The following MICU1 variants were observed in gnomAD, a reference collection of about 807,000 sequenced individuals.
MICU1 encodes calcium uptake protein 1, mitochondrial.
MICU1 carries 45 observed loss-of-function variants against 56.8 expected under a neutral mutation model. That is an observed-to-expected ratio of 0.79 (90% CI 0.62 to 1.02). The LOEUF (loss-of-function observed/expected upper bound fraction) is 1.02, where lower values mean the gene tolerates loss of function less well. Among genes scored for constraint, MICU1 ranks in the 50% least tolerant of loss-of-function variants. The pLI is 0.00. For missense variants in MICU1, 504 were observed against 587.1 expected (o/e 0.86, Z 1.46); for synonymous variants, 186 against 195.1 (o/e 0.95, Z 0.39).
At chr10:72,490,601 C>G (rs1453707553) in intron 6 of MICU1, among the ~76,000 whole-genome samples, 1 of 152,112 alleles carries the variant, frequency 6.6e-6, no homozygotes, top group South Asian at 2.1e-4. Flanking sequence ...CTTGTAATTA[C>G]AGAGAGAGTT....
chr10:72,459,536 G>A (rs1865584567), intron 8 of MICU1, among the ~76,000 whole-genome samples: 1 of 151,970 alleles, frequency 6.6e-6, no homozygotes, highest in Admixed American at 6.6e-5. Context: ...GGGTGATCTG[G>A]CTGAGACCCA....
At chr10:72,620,012 G>A (rs1250921020) in intron 1 of MICU1, among the ~76,000 whole-genome samples, 2 of 151,992 alleles carry the variant, frequency 1.3e-5, no homozygotes, top group Non-Finnish European at 2.9e-5. Flanking sequence ...TATTAGGATG[G>A]TAGGCAAAGT....
intron 1 of MICU1, among the ~76,000 whole-genome samples, 162 bp from the exon 2 acceptor site, chr10:72,566,956 T>G (rs1013913620): frequency 1.3e-5 from 2 of 152,186 alleles, no homozygotes; most frequent in African/African-American, 4.8e-5. Context: ...CTCAGAATAA[T>G]CTTATGAGCA....
At chr10:72,385,883 G>C (rs906074301) in intron 10 of MICU1, among the ~76,000 whole-genome samples, 1 of 152,214 alleles carries the variant, frequency 6.6e-6, no homozygotes, top group African/African-American at 2.4e-5. Context: ...GAAGAAGTGA[G>C]TTGCCATGCT....
intron 10 of MICU1, among the ~76,000 whole-genome samples, chr10:72,404,310 T>C (rs1228851013): frequency 2.0e-5 from 3 of 152,334 alleles, no homozygotes; most frequent in African/African-American, 7.2e-5. Context: ...GGGAAATTTA[T>C]AGCTTCACAA....
intron 1 of MICU1, among the ~76,000 whole-genome samples, chr10:72,610,708 C>T (rs910098386): frequency 6.6e-6 from 1 of 152,150 alleles, no homozygotes; most frequent in Non-Finnish European, 1.5e-5. Context: ...ACATCACTGT[C>T]CTCCCACCTT....
chr10:72,487,851 GT>G (rs775985148), intron 6 of MICU1, among the ~76,000 whole-genome samples: 4 of 151,904 alleles, frequency 2.6e-5, no homozygotes, highest in Non-Finnish European at 4.4e-5. Context: ...ACTTCTTTTT[GT>G]TTCTTAATCT....
intron 10 of MICU1, among the ~76,000 whole-genome samples, chr10:72,401,089 A>C (rs1276279485): frequency 6.6e-6 from 1 of 152,102 alleles, no homozygotes; most frequent in Non-Finnish European, 1.5e-5. Context: ...GGTGTGTGCC[A>C]CTGAGCCCAG....
intron 1 of MICU1, among the ~76,000 whole-genome samples, chr10:72,588,701 A>T (rs1458384532): frequency 6.6e-6 from 1 of 152,204 alleles, no homozygotes; most frequent in African/African-American, 2.4e-5. Context: ...TTTTGACGAG[A>T]TAATGCTTGG....
intron 4 of MICU1, among the ~76,000 whole-genome samples, chr10:72,536,660 G>A (rs1038334969): frequency 2.6e-5 from 4 of 152,038 alleles, no homozygotes; most frequent in East Asian, 3.9e-4. Flanking sequence ...CAAAAATAAC[G>A]TTAAAATTTT....
intron 8 of MICU1, among the ~76,000 whole-genome samples, chr10:72,464,225 G>A (rs1357726816): frequency 6.7e-6 from 1 of 149,522 alleles, no homozygotes; most frequent in African/African-American, 2.5e-5. Context: ...GAACCCAAGA[G>A]GCAGAGGTTG....
chr10:72,397,977 T>C (rs925169971), intron 10 of MICU1, among the ~76,000 whole-genome samples: 1 of 152,186 alleles, frequency 6.6e-6, no homozygotes, highest in Non-Finnish European at 1.5e-5. Flanking sequence ...CAACAAAATA[T>C]ACATTCTTCT....
intron 4 of MICU1, among the ~76,000 whole-genome samples, chr10:72,536,060 T>A (rs1839624733): frequency 6.6e-6 from 1 of 151,804 alleles, no homozygotes; most frequent in Non-Finnish European, 1.5e-5. Context: ...CTGGGAAGGA[T>A]AGGGGAAATG....
chr10:72,573,320 A>C (rs1012488654), intron 1 of MICU1, among the ~76,000 whole-genome samples: 28 of 149,296 alleles, frequency 1.9e-4, no homozygotes, highest in Admixed American at 6.0e-4. Context: ...AAAAAAAAAA[A>C]AAAAAAAAAA....
At chr10:72,456,294 CA>C (rs1865455451) in intron 8 of MICU1, among the ~76,000 whole-genome samples, 1 of 152,160 alleles carries the variant, frequency 6.6e-6, no homozygotes, top group South Asian at 2.1e-4. Flanking sequence ...TGAATGTTCC[CA>C]ATGTTCCCCT....
At chr10:72,405,400 T>C (rs1564849062) in intron 10 of MICU1, among the ~76,000 whole-genome samples, 1 of 151,598 alleles carries the variant, frequency 6.6e-6, no homozygotes, top group Non-Finnish European at 1.5e-5. Flanking sequence ...TTTGTATTTC[T>C]AGTAGAGACA....
intron 11 of MICU1, among the ~76,000 whole-genome samples, chr10:72,374,190 G>A (rs1179097485): frequency 6.6e-6 from 1 of 152,204 alleles, no homozygotes; most frequent in Admixed American, 6.5e-5. Context: ...GTGTGATCAT[G>A]GCTCACTGCA....
intron 5 of MICU1, among the ~76,000 whole-genome samples, chr10:72,522,578 G>C (rs1867854894): frequency 6.6e-6 from 1 of 152,036 alleles, no homozygotes; most frequent in South Asian, 2.1e-4. Context: ...CTTTAGTAGT[G>C]GTGGAACTCA....
intron 8 of MICU1, among the ~76,000 whole-genome samples, chr10:72,457,717 G>A (rs1865515792): frequency 6.6e-6 from 1 of 151,766 alleles, no homozygotes; most frequent in African/African-American, 2.4e-5. Flanking sequence ...AGAAAGAGTG[G>A]GGAGAGAGAC....
Sources: gnomAD v4.1 joint callset for allele counts (sites outside exome capture counted in the v4.1 genomes callset) on GRCh38, gnomAD v4.1.1 for gene constraint, MANE v1.5 for transcripts, NCBI Gene and HGNC (gene_info 2026-07-23, HGNC 2026-07-21) for gene names.